Variants in GABRG3 observed in about 807,000 individuals in gnomAD.
The protein encoded by GABRG3 is gamma-aminobutyric acid receptor subunit gamma-3.
Under a neutral mutation model 48.8 loss-of-function variants are expected in GABRG3, and 25 were observed. The observed-to-expected ratio is 0.51, with a 90% CI of 0.37 to 0.72. The LOEUF (loss-of-function observed/expected upper bound fraction) is 0.72. GABRG3 is among the 30% of genes least tolerant of loss of function. The pLI is 0.00. For missense variants in GABRG3, 394 were observed against 577.9 expected, an observed-to-expected ratio of 0.68 and a Z score of 3.26; for synonymous variants, 227 against 217.6, an observed-to-expected ratio of 1.04 and a Z score of -0.38.
At chr15:27,520,217 G>GAGATCATTCACATT in intron 7 of GABRG3, 93 bp downstream of exon 7, 4 of 1,226,892 alleles carry the variant, frequency 3.3e-6, no homozygotes, top group Non-Finnish European at 4.6e-6. Context: ...CTATTTAAAT[G>GAGATCATTCACATT]TGAATGATCT....
rs895971510 is a variant in GABRG3, at chr15:27,540,870, C to T, written c.*7989C>T. 5 of 152,144 alleles carry T rather than the reference C, an allele frequency of 3.3e-5. No homozygotes were observed. Among genetic ancestry groups the T allele is most frequent in the African/African-American group, 1.2e-4 (5 of 41,420 alleles). 9.4% of individuals were successfully genotyped at this position (152,144 alleles called of 1,614,324 possible). A position where few individuals can be genotyped will look rare whatever the true frequency, so the allele number is the denominator to read the frequency against. ...TGTACGTACAGTGGTAAAACTGAAACAACTTATTAATAATGTGTGTCACTC... is the reference window on the plus strand; with the variant it reads ...TGTACGTACAGTGGTAAAACTGAAATAACTTATTAATAATGTGTGTCACTC... On this transcript the variant is annotated 3_prime_UTR_variant, in exon 10 of 10. Transcript: ENST00000615808.
chr15:27,449,485 A>G (rs540783959), intron 5 of GABRG3, among the ~76,000 whole-genome samples: 1 of 152,336 alleles, frequency 6.6e-6, no homozygotes, highest in East Asian at 1.9e-4. Flanking sequence ...GATAAATGCC[A>G]TGAAAATAGG....
intron 5 of GABRG3, among the ~76,000 whole-genome samples, chr15:27,478,709 A>T (rs903241664): frequency 6.6e-6 from 1 of 152,228 alleles, no homozygotes; most frequent in Non-Finnish European, 1.5e-5. Flanking sequence ...TGCCCATAAC[A>T]ACATTCATAA....
intron 3 of GABRG3, among the ~76,000 whole-genome samples, chr15:27,130,337 T>C (rs998761034): frequency 1.3e-5 from 2 of 152,260 alleles, no homozygotes; most frequent in Admixed American, 1.3e-4. Context: ...CTTGGAACCT[T>C]TGTCAAAAAT....
At chr15:27,367,647 T>A (rs2140552797) in intron 5 of GABRG3, among the ~76,000 whole-genome samples, 1 of 152,212 alleles carries the variant, frequency 6.6e-6, no homozygotes, top group South Asian at 2.1e-4. Context: ...ACAAAGGGAG[T>A]ATCTGTACAT....
intron 4 of GABRG3, among the ~76,000 whole-genome samples, chr15:27,328,588 C>G (rs986964180): frequency 1.3e-5 from 2 of 152,234 alleles, no homozygotes; most frequent in African/African-American, 4.8e-5. Flanking sequence ...AACTGGAATT[C>G]TCTGTGCCAC....
Position 27,526,034 on chromosome 15 carries a change from A to G in GABRG3, c.866-1399A>G, listed in dbSNP as rs1891269334. Among the ~76,000 whole-genome samples, 3 of 152,198 alleles carry G rather than the reference A, an allele frequency of 2.0e-5. No homozygotes were observed. The South Asian group carries it at 6.2e-4, about 31-fold the overall frequency. Reference sequence around the variant, plus strand: ...ATAAGTATAGACTTTTCCAGTTTACATAGCGTTTTTACATGAAATTTTACC... The same window carrying G: ...ATAAGTATAGACTTTTCCAGTTTACGTAGCGTTTTTACATGAAATTTTACC... On this transcript the variant is annotated intron_variant, in intron 7 of 9. Transcript: ENST00000615808.
intron 5 of GABRG3, among the ~76,000 whole-genome samples, chr15:27,443,857 G>A (rs1040701222): frequency 3.9e-5 from 6 of 152,038 alleles, no homozygotes; most frequent in African/African-American, 9.7e-5. Context: ...ATAATGAACC[G>A]GTGTCAAATT....
At chr15:27,065,987 T>A (rs1896731900) in intron 3 of GABRG3, among the ~76,000 whole-genome samples, 2 of 152,218 alleles carry the variant, frequency 1.3e-5, no homozygotes, top group South Asian at 4.1e-4. Flanking sequence ...AAGATGACAT[T>A]TGCCTCCTAT....
At chr15:27,393,205 G>A (rs369037723) in intron 5 of GABRG3, among the ~76,000 whole-genome samples, 191 of 152,078 alleles carry the variant, frequency 1.3e-3, no homozygotes, top group African/African-American at 4.3e-3. Context: ...TTAGCCAGGC[G>A]TGGTGGCGGG....
At chr15:27,462,764 G>A (rs1421868519) in intron 5 of GABRG3, among the ~76,000 whole-genome samples, 1 of 152,080 alleles carries the variant, frequency 6.6e-6, no homozygotes, top group Non-Finnish European at 1.5e-5. Context: ...GCTTAATTCG[G>A]CATTTATCCC....
chr15:27,524,510 G>T (rs983812672), intron 7 of GABRG3, among the ~76,000 whole-genome samples: 3 of 151,926 alleles, frequency 2.0e-5, no homozygotes, highest in Non-Finnish European at 4.4e-5. Flanking sequence ...TACTTATAAT[G>T]GTTGAAGCAA....
At chr15:27,307,768 A>G (rs540054974) in intron 3 of GABRG3, among the ~76,000 whole-genome samples, 18 of 123,174 alleles carry the variant, frequency 1.5e-4, no homozygotes, top group African/African-American at 4.5e-4. Context: ...TATAAAATAA[A>G]CATATGTTTA....
At position 27,451,850 on chromosome 15, in the gene GABRG3, C is replaced by G. The variant is rs147001011; in HGVS notation, c.575-28800C>G. ...ACAACAAAAGCAATTAAAAATGGGC[C>G]AAGGGACACATGGCTGCAACTTGAC... On this transcript the variant is annotated intron_variant, in intron 5 of 9. Transcript: ENST00000615808. Among the ~76,000 whole-genome samples the G allele has an allele frequency of 8.6e-3, 1,300 of 152,006 alleles. 17 individuals carry two copies. Among genetic ancestry groups the G allele is most frequent in the African/African-American group, 0.03 (1,252 of 41,452 alleles).
rs372372952 is a variant in GABRG3, at chr15:27,348,155, C to A, written c.574+19267C>A. 7.0e-3 allele frequency among the ~76,000 whole-genome samples: 719 copies of A among 102,502 alleles called. 2 individuals are homozygous for A. Among genetic ancestry groups the A allele is most frequent in the Non-Finnish European group, 8.6e-3 (482 of 56,034 alleles). 67.2% of individuals were successfully genotyped at this position (102,502 alleles called of 152,430 possible). A position where few individuals can be genotyped will look rare whatever the true frequency, so the allele number is the denominator to read the frequency against. ...TGGGTGACAGAGCGAGACTCCATCTCAAATAAATAAAGAGTTGGAGATTTT... is the reference window on the plus strand; with the variant it reads ...TGGGTGACAGAGCGAGACTCCATCTAAAATAAATAAAGAGTTGGAGATTTT... On this transcript the variant is annotated intron_variant, in intron 5 of 9. Transcript: ENST00000615808.
intron 2 of GABRG3, among the ~76,000 whole-genome samples, chr15:26,999,299 A>G (rs1196190805): frequency 6.6e-6 from 1 of 152,202 alleles, no homozygotes; most frequent in East Asian, 1.9e-4. Context: ...ATATTCAGAT[A>G]CCATGTCATT....
intron 6 of GABRG3, among the ~76,000 whole-genome samples, chr15:27,494,061 T>C (rs1890423143): frequency 6.6e-6 from 1 of 152,126 alleles, no homozygotes; most frequent in African/African-American, 2.4e-5. Flanking sequence ...TCATATGATT[T>C]TTTTCTTCGT....
rs1281689364 is a variant in GABRG3 at position 27,376,836 on chromosome 15, A to G, written c.574+47948A>G. 9.2e-5 allele frequency among the ~76,000 whole-genome samples: 14 copies of G among 152,296 alleles called. No homozygotes were observed. The East Asian group carries it at 9.7e-4, about 11-fold the overall frequency. ...TTTCCCCATTGTCTTTGGGATTAAC[A>G]TTCGACTCCTCATTACTTATGCAAA... On this transcript the variant is annotated intron_variant, in intron 5 of 9. Transcript: ENST00000615808.
At chr15:27,287,810 CTCACTGCAAGCTCCGCCTCCTGGGTT>C (rs1891666806) in intron 3 of GABRG3, among the ~76,000 whole-genome samples, 1 of 148,202 alleles carries the variant, frequency 6.7e-6, no homozygotes, top group Non-Finnish European at 1.5e-5. Context: ...GCGATCTCGG[CTCACTGCAAGCTCCGCCTCCTGGGTT>C]CATACCATTC....
Sources: allele counts gnomAD v4.1 joint callset (sites outside exome capture counted in the v4.1 genomes callset), GRCh38; gene constraint gnomAD v4.1.1; transcripts MANE v1.5; gene names NCBI Gene and HGNC (gene_info 2026-07-23, HGNC 2026-07-21).